The following STK32A variants were observed in gnomAD, a reference collection of about 807,000 sequenced individuals.
The protein encoded by STK32A is serine/threonine-protein kinase 32A.
Under a neutral mutation model 53.2 loss-of-function variants are expected in STK32A, and 41 were observed. That is an observed-to-expected ratio of 0.77 (90% CI 0.60 to 1.00). The LOEUF is 1.00. Among genes scored for constraint, STK32A ranks in the 50% least tolerant of loss-of-function variants. STK32A has a pLI of 0.00. For synonymous variants in STK32A, 166 were observed against 162.8 expected, an observed-to-expected ratio of 1.02 and a Z score of -0.15; for missense variants, 458 against 485.8, an observed-to-expected ratio of 0.94 and a Z score of 0.54.
chr5:147,348,941 A>G, intron 6 of STK32A: 1 of 497,328 alleles, frequency 2.0e-6, no homozygotes. Flanking sequence ...GACGTTTTCA[A>G]GGTAACACAG....
chr5:147,263,390 A>C (rs1754668970), intron 2 of STK32A, among the ~76,000 whole-genome samples: 1 of 152,238 alleles, frequency 6.6e-6, no homozygotes, highest in Admixed American at 6.5e-5. Context: ...CTTAAATATG[A>C]GCAGACAACC....
At chr5:147,343,127 GA>G (rs34473923) in intron 6 of STK32A, 84 bp downstream of exon 6, 1 of 1,433,368 alleles carries the variant, frequency 7.0e-7, no homozygotes, top group Non-Finnish European at 9.8e-7. Context: ...TATTACACAT[GA>G]AAAAGGTATT....
intron 4 of STK32A, among the ~76,000 whole-genome samples, chr5:147,294,634 A>G (rs1234402635): frequency 2.0e-5 from 3 of 151,556 alleles, no homozygotes; most frequent in African/African-American, 7.3e-5. Flanking sequence ...TTCTTTATAT[A>G]CCTTATGTAT....
the STK32A span, among the ~76,000 whole-genome samples, chr5:147,398,144 A>G: frequency 1.3e-5 from 2 of 152,212 alleles, no homozygotes; most frequent in African/African-American, 2.4e-5. Flanking sequence ...GATGCTGTAC[A>G]TCACTGTCTT....
intron 6 of STK32A, chr5:147,348,667 C>A (rs543311898): frequency 2.6e-6 from 2 of 767,836 alleles, no homozygotes; most frequent in Admixed American, 1.7e-5. Flanking sequence ...ATCTGAATCA[C>A]CTGTGGAATT....
At chr5:147,264,983 G>A (rs1754739543) in intron 2 of STK32A, among the ~76,000 whole-genome samples, 1 of 151,676 alleles carries the variant, frequency 6.6e-6, no homozygotes, top group African/African-American at 2.4e-5. Flanking sequence ...ACATTAAAAA[G>A]ACTGAAATAG....
At chr5:147,343,095 T>C (rs1755517885) in intron 6 of STK32A, 52 bp downstream of exon 6, 1 of 1,592,916 alleles carries the variant, frequency 6.3e-7, no homozygotes, top group Admixed American at 1.7e-5. Context: ...TGTAGAAAAG[T>C]TGATTGTTCC....
intron 1 of STK32A, among the ~76,000 whole-genome samples, chr5:147,236,119 G>C (rs1421138453): frequency 6.6e-6 from 1 of 152,096 alleles, no homozygotes; most frequent in Admixed American, 6.5e-5. Flanking sequence ...AATCCTAGAA[G>C]ACCACACCTC....
chr5:147,401,658 C>T, the STK32A span: 9 of 1,613,940 alleles, frequency 5.6e-6, no homozygotes, highest in East Asian at 2.2e-5. Flanking sequence ...CCATCTATGC[C>T]GAGGCTGGCA....
At chr5:147,283,352 C>A (rs1378875101) in intron 4 of STK32A, among the ~76,000 whole-genome samples, 12 of 151,750 alleles carry the variant, frequency 7.9e-5, no homozygotes, top group African/African-American at 2.7e-4. Flanking sequence ...TGAAAGAGCA[C>A]AAACTGACAC....
At position 147,273,296 on chromosome 5, in the gene STK32A, A is replaced by C. The variant is rs1277221425; in HGVS notation, c.53-4828A>C. On this transcript the variant is annotated intron_variant, in intron 2 of 12. Transcript: ENST00000397936. ...ACCTTGATTCAACATATAATTCTAAAAAGAGACAGGAAGAAATCCCACCTT... is the reference window on the plus strand; with the variant it reads ...ACCTTGATTCAACATATAATTCTAACAAGAGACAGGAAGAAATCCCACCTT... 3.3e-5 allele frequency among the ~76,000 whole-genome samples: 5 copies of C among 152,314 alleles called. No homozygotes were observed. The East Asian group carries it at 9.6e-4, about 29-fold the overall frequency.
the STK32A span, chr5:147,395,690 A>G: frequency 1.9e-6 from 3 of 1,614,078 alleles, no homozygotes; most frequent in Non-Finnish European, 2.5e-6. Context: ...CCCATCGTAC[A>G]TGCCCCTTGG....
chr5:147,355,555 G>A (rs1756185458), intron 7 of STK32A, among the ~76,000 whole-genome samples: 1 of 152,078 alleles, frequency 6.6e-6, no homozygotes, highest in Admixed American at 6.5e-5. Context: ...GCAGGTGCCT[G>A]TAGTTCCAGC....
intron 4 of STK32A, among the ~76,000 whole-genome samples, chr5:147,317,471 G>A (rs910449780): frequency 6.6e-5 from 10 of 151,398 alleles, no homozygotes; most frequent in African/African-American, 2.4e-4. Context: ...GAGATTATAG[G>A]TGCGCGCCAC....
At chr5:147,278,690 A>G (rs1549881) in intron 3 of STK32A, among the ~76,000 whole-genome samples, 82,812 of 152,092 alleles carry the variant, frequency 0.54, 23,074 homozygotes, top group African/African-American at 0.65. Context: ...CAATGGAGAC[A>G]TACTTTAAGA....
chr5:147,366,305 C>G (rs17106560), intron 8 of STK32A, among the ~76,000 whole-genome samples: 4,238 of 152,204 alleles, frequency 0.028, 198 homozygotes, highest in East Asian at 0.2. Context: ...AAACCTTGGT[C>G]TTCTTTAAAA....
intron 4 of STK32A, among the ~76,000 whole-genome samples, chr5:147,321,306 T>C (rs1232139818): frequency 6.6e-6 from 1 of 152,178 alleles, no homozygotes; most frequent in Non-Finnish European, 1.5e-5. Context: ...TGAAGTTGAA[T>C]ATTCAAGATA....
chr5:147,327,457 T>C (rs1231351722), intron 5 of STK32A, among the ~76,000 whole-genome samples: 2 of 152,224 alleles, frequency 1.3e-5, no homozygotes, highest in Non-Finnish European at 1.5e-5. Context: ...GGAGAGACCA[T>C]CTGCATAAAA....
At chr5:147,263,223 A>G (rs906360889) in intron 2 of STK32A, among the ~76,000 whole-genome samples, 3 of 152,222 alleles carry the variant, frequency 2.0e-5, no homozygotes, top group African/African-American at 7.2e-5. Context: ...TATTTTCTGG[A>G]GATTTTGACC....
Sources: gnomAD v4.1 joint callset for allele counts (sites outside exome capture counted in the v4.1 genomes callset) on GRCh38, gnomAD v4.1.1 for gene constraint, MANE v1.5 for transcripts, NCBI Gene and HGNC (gene_info 2026-07-23, HGNC 2026-07-21) for gene names.